AGTPBP1: variants seen among roughly 807,000 people sequenced by gnomAD.
AGTPBP1 encodes ATP/GTP binding carboxypeptidase 1, also known as cytosolic carboxypeptidase 1.
Under a neutral mutation model 143.9 loss-of-function variants are expected in AGTPBP1, and 70 were observed. That is an observed-to-expected ratio of 0.49 (90% CI 0.40 to 0.59). The LOEUF (loss-of-function observed/expected upper bound fraction) is 0.59, where lower values mean the gene tolerates loss of function less well. Ranked by LOEUF, AGTPBP1 falls within the 20% of genes least tolerant of loss-of-function variation. AGTPBP1 has a pLI of 0.00. For missense variants in AGTPBP1, 1,229 were observed against 1,464.5 expected (o/e 0.84, Z 2.62); for synonymous variants, 463 against 500.2 (o/e 0.93, Z 0.99).
At chr9:85,575,239 C>A (rs1193607925) in intron 25 of AGTPBP1, 76 bp downstream of exon 25, 2 of 1,150,156 alleles carry the variant, frequency 1.7e-6, no homozygotes, top group Non-Finnish European at 2.3e-6. Flanking sequence ...TCAAAATTTC[C>A]ATGCCTTTTC....
intron 25 of AGTPBP1, among the ~76,000 whole-genome samples, chr9:85,549,020 A>G (rs1245775371): frequency 6.6e-6 from 1 of 152,206 alleles, no homozygotes; most frequent in Non-Finnish European, 1.5e-5. Flanking sequence ...TTTGAAATAT[A>G]ATAATTCATT....
rs546325040 is a variant in AGTPBP1, at chr9:85,625,909, T to G, written c.2016-4624A>C. ...CAAAAAAAAAACCTAGTTTTGTTTTTTTTTTTTTTTTTTTTAGGATATATG... is the reference window on the plus strand; with the variant it reads ...CAAAAAAAAAACCTAGTTTTGTTTTGTTTTTTTTTTTTTTTAGGATATATG... On this transcript the variant is annotated intron_variant, in intron 14 of 25. Coordinates refer to ENST00000357081, the MANE Select transcript of AGTPBP1 (RefSeq NM_001330701.2). Among the ~76,000 whole-genome samples the G allele has an allele frequency of 5.2e-4, 70 of 135,392 alleles. No homozygotes were observed. In the South Asian group the frequency reaches 7.5e-3, roughly 15 times the overall value. The allele number at this position is 135,392 out of a possible 152,430, so 88.8% of individuals were successfully genotyped here.
intron 11 of AGTPBP1, among the ~76,000 whole-genome samples, chr9:85,654,694 T>A (rs1423161553): frequency 1.3e-5 from 2 of 151,716 alleles, no homozygotes; most frequent in African/African-American, 2.4e-5. Context: ...AATACAAAAA[T>A]TACCCGGGAA....
At chr9:85,644,161 T>C (rs1439017575) in intron 12 of AGTPBP1, among the ~76,000 whole-genome samples, 1 of 151,990 alleles carries the variant, frequency 6.6e-6, no homozygotes. Context: ...CTCATTGATA[T>C]GCATAATAGA....
upstream of AGTPBP1, among the ~76,000 whole-genome samples, chr9:85,743,931 T>C (rs1824550086): frequency 6.7e-6 from 1 of 149,800 alleles, no homozygotes; most frequent in Non-Finnish European, 1.5e-5. Flanking sequence ...TCTTTCTTTT[T>C]TTTTTTTTTT....
At chr9:85,628,434 A>G in intron 14 of AGTPBP1, among the ~76,000 whole-genome samples, 1 of 152,216 alleles carries the variant, frequency 6.6e-6, no homozygotes, top group South Asian at 2.1e-4. Flanking sequence ...GGTAAGAGTC[A>G]CCATCATACA....
rs111859163 is a variant in AGTPBP1, at chr9:85,580,214, G to T, written c.3166-1118C>A. ...ATTGCACCATTGCACTCCAGCCTGGGCAACAAGGGTGAAACTCCATCTCAA... is the reference window on the plus strand; with the variant it reads ...ATTGCACCATTGCACTCCAGCCTGGTCAACAAGGGTGAAACTCCATCTCAA... On this transcript the variant is annotated intron_variant, in intron 23 of 25. Transcript: ENST00000357081. 4.4e-3 allele frequency among the ~76,000 whole-genome samples: 646 copies of T among 148,446 alleles called. 19 individuals are homozygous for T. Among genetic ancestry groups the T allele is most frequent in the Non-Finnish European group, 2.9e-3 (197 of 67,460 alleles).
intron 2 of AGTPBP1, among the ~76,000 whole-genome samples, chr9:85,708,816 G>A (rs1423178043): frequency 6.6e-6 from 1 of 152,184 alleles, no homozygotes. Flanking sequence ...GATTACAGGC[G>A]TGAGCCACCA....
At chr9:85,783,290 C>G in the AGTPBP1 span, among the ~76,000 whole-genome samples, 1 of 152,108 alleles carries the variant, frequency 6.6e-6, no homozygotes, top group Non-Finnish European at 1.5e-5. Flanking sequence ...TACCTAGAAA[C>G]ATTTAAAATA....
At position 85,579,468 on chromosome 9, in the gene AGTPBP1, T is replaced by A. The variant is rs1828103203; in HGVS notation, c.3166-372A>T. 2.0e-5 allele frequency among the ~76,000 whole-genome samples: 3 copies of A among 152,114 alleles called. No homozygotes were observed. In the South Asian group the frequency reaches 6.2e-4, roughly 32 times the overall value. On this transcript the variant is annotated intron_variant, in intron 23 of 25. Transcript: ENST00000357081. ...ACAGTAAATGCCAATCATCCCTAAA[T>A]TAATTAATACAGCTAAGACAATCAC...
At chr9:85,618,608 G>T (rs948425812) in intron 17 of AGTPBP1, among the ~76,000 whole-genome samples, 4 of 150,816 alleles carry the variant, frequency 2.7e-5, no homozygotes, top group African/African-American at 9.7e-5. Flanking sequence ...TCCCAAGTGG[G>T]GTTTATTCCA....
chr9:85,795,856 GTTTTTTT>G, the AGTPBP1 span, among the ~76,000 whole-genome samples: 2 of 70,670 alleles, frequency 2.8e-5, no homozygotes, highest in Admixed American at 1.9e-4. Flanking sequence ...CTTCTTCTTA[GTTTTTTT>G]TTTTTTTTTT....
chr9:85,739,380 T>C (rs1468771156), intron 1 of AGTPBP1, among the ~76,000 whole-genome samples: 3 of 152,074 alleles, frequency 2.0e-5, no homozygotes, highest in Admixed American at 2.0e-4. Flanking sequence ...GAAAAGCAGA[T>C]TTGGGAAGAT....
At chr9:85,597,828 G>A (rs1829397129) in intron 17 of AGTPBP1, among the ~76,000 whole-genome samples, 1 of 152,016 alleles carries the variant, frequency 6.6e-6, no homozygotes, top group Admixed American at 6.5e-5. Context: ...AACTATCTTT[G>A]CATTCTAAGA....
chr9:85,681,969 T>C (rs1461212188), intron 3 of AGTPBP1, among the ~76,000 whole-genome samples: 2 of 151,540 alleles, frequency 1.3e-5, no homozygotes, highest in African/African-American at 2.4e-5. Flanking sequence ...AGGCAGGTCT[T>C]GAACTCCTGA....
At position 85,612,357 on chromosome 9, in the gene AGTPBP1, T is replaced by C. The variant is rs995475729; in HGVS notation, c.2335+6626A>G. Reference sequence around the variant, plus strand: ...CGATGTGATGAAGCCTCCATAAAAATCTCCAAAACACGGGATTCAGAGAGC... The same window carrying C: ...CGATGTGATGAAGCCTCCATAAAAACCTCCAAAACACGGGATTCAGAGAGC... On this transcript the variant is annotated intron_variant, in intron 17 of 25. Coordinates refer to ENST00000357081, the MANE Select transcript of AGTPBP1 (RefSeq NM_001330701.2). 1.1e-4 allele frequency among the ~76,000 whole-genome samples: 16 copies of C among 151,912 alleles called. 1 individual carries two copies. The highest frequency in any genetic ancestry group is 4.6e-4 in the Admixed American group (7 of 15,250).
intron 23 of AGTPBP1, among the ~76,000 whole-genome samples, chr9:85,582,552 C>T (rs1019010504): frequency 3.9e-5 from 6 of 151,998 alleles, no homozygotes; most frequent in African/African-American, 1.2e-4. Flanking sequence ...TGGTGGTGGG[C>T]ACCTGTAATC....
At chr9:85,694,392 G>C (rs1836096210) in intron 2 of AGTPBP1, among the ~76,000 whole-genome samples, 1 of 152,006 alleles carries the variant, frequency 6.6e-6, no homozygotes, top group South Asian at 2.1e-4. Flanking sequence ...TTCCTCCAAA[G>C]AGAAATATGT....
intron 2 of AGTPBP1, among the ~76,000 whole-genome samples, chr9:85,693,488 C>T (rs1002349759): frequency 4.6e-5 from 7 of 152,122 alleles, no homozygotes; most frequent in Admixed American, 2.6e-4. Context: ...ATCCCAGCTA[C>T]TTGGGAGGCT....
Sources: gnomAD v4.1 joint callset for allele counts (sites outside exome capture counted in the v4.1 genomes callset) on GRCh38, gnomAD v4.1.1 for gene constraint, MANE v1.5 for transcripts, NCBI Gene and HGNC (gene_info 2026-07-23, HGNC 2026-07-21) for gene names.